DIS3L2: variants seen among roughly 807,000 people sequenced by gnomAD.
The protein encoded by DIS3L2 is DIS3 like 3'-5' exoribonuclease 2.
A neutral mutation model predicts 97.5 loss-of-function variants in DIS3L2; 34 were observed. The ratio of observed to expected loss-of-function variants is 0.35; its 90% CI spans 0.27 to 0.46. The LOEUF (loss-of-function observed/expected upper bound fraction) is 0.46. Ranked by LOEUF, DIS3L2 falls within the 20% of genes least tolerant of loss-of-function variation. The probability of loss-of-function intolerance (pLI) is 1.00; values close to 1 mark genes in which losing one functional copy is unlikely to be tolerated. For synonymous variants in DIS3L2, 435 were observed against 445.2 expected, an observed-to-expected ratio of 0.98 and a Z score of 0.29; for missense variants, 1,038 against 1,146.0, an observed-to-expected ratio of 0.91 and a Z score of 1.36.
rs1052556181 is a variant in DIS3L2 at position 232,292,417 on chromosome 2, C to T, written c.1660-7623C>T. Reference sequence around the variant, plus strand: ...CCTTGCTGTCTCCATTGTCATCCTACCCAGAAAGCTCAGACGGGCGGAAGG... The same window carrying T: ...CCTTGCTGTCTCCATTGTCATCCTATCCAGAAAGCTCAGACGGGCGGAAGG... On this transcript the variant is annotated intron_variant, in intron 13 of 20. Coordinates refer to ENST00000325385, the MANE Select transcript of DIS3L2 (RefSeq NM_152383.5). The surrounding 1 kb of genome is among the most constrained non-coding windows in gnomAD (Gnocchi z 4.4). Among the ~76,000 whole-genome samples the T allele has an allele frequency of 3.9e-5, 6 of 152,274 alleles. No homozygotes were observed. Among genetic ancestry groups the T allele is most frequent in the Admixed American group, 2.0e-4 (3 of 15,304 alleles).
chr2:232,120,968 G>A (rs1192029413), intron 6 of DIS3L2, among the ~76,000 whole-genome samples: 2 of 151,882 alleles, frequency 1.3e-5, no homozygotes, highest in Non-Finnish European at 2.9e-5. Flanking sequence ...CTTCCCATCA[G>A]CAATTAACCA....
chr2:232,018,009 A>C (rs1453790917), intron 3 of DIS3L2, among the ~76,000 whole-genome samples: 1 of 152,196 alleles, frequency 6.6e-6, no homozygotes, highest in Admixed American at 6.5e-5. Flanking sequence ...ACTGTTGCTT[A>C]ATACATTTAT....
chr2:232,024,764 T>C (rs1322414377), intron 4 of DIS3L2, among the ~76,000 whole-genome samples: 1 of 151,746 alleles, frequency 6.6e-6, no homozygotes, highest in Non-Finnish European at 1.5e-5. Flanking sequence ...TTTTTTTTGG[T>C]GGGGGTCAGA....
At chr2:232,210,525 C>A in intron 10 of DIS3L2, 120 bp downstream of exon 10, 1 of 861,140 alleles carries the variant, frequency 1.2e-6, no homozygotes. Flanking sequence ...TGCTTCGTGC[C>A]TGAACTTGCC....
At chr2:231,979,250 TATTTA>T (rs1411245744) in intron 1 of DIS3L2, among the ~76,000 whole-genome samples, 1 of 151,996 alleles carries the variant, frequency 6.6e-6, no homozygotes, top group East Asian at 1.9e-4. Flanking sequence ...TATTTATTTT[TATTTA>T]ATTTATTTTT....
At chr2:232,258,538 C>G (rs1257837143) in intron 12 of DIS3L2, among the ~76,000 whole-genome samples, 1 of 143,920 alleles carries the variant, frequency 6.9e-6, no homozygotes. Context: ...GAGCCCAGAT[C>G]GTGCCACTGC....
At chr2:232,296,022 G>A (rs753899062) in intron 13 of DIS3L2, among the ~76,000 whole-genome samples, 1 of 152,152 alleles carries the variant, frequency 6.6e-6, no homozygotes, top group Non-Finnish European at 1.5e-5. Context: ...TTACAATCTT[G>A]CTTATAAACT....
intron 1 of DIS3L2, among the ~76,000 whole-genome samples, chr2:232,000,613 T>TTTCCTTTCCTTTCC (rs1693853867): frequency 1.8e-4 from 19 of 107,348 alleles, no homozygotes; most frequent in African/African-American, 7.0e-4. Context: ...CTTTCCTTTC[T>TTTCCTTTCCTTTCC]TTTCCTTTCC....
In DIS3L2 at chr2:232,329,793, A is replaced by AT; in HGVS notation, c.1740-19dup. The AT allele has an allele frequency of 6.8e-6, 1 of 147,856 alleles. No individual in the cohort carries two copies. The highest frequency in any genetic ancestry group is 1.3e-5 in the Non-Finnish European group (1 of 79,748). 9.2% of individuals were successfully genotyped at this position (147,856 alleles called of 1,614,324 possible). A position where few individuals can be genotyped will look rare whatever the true frequency, so the allele number is the denominator to read the frequency against. On this transcript the variant is annotated intron_variant, in intron 14 of 20. Transcript: ENST00000325385. ...TCCCCAAACCCCAGCGGTCCCTCCC[A>AT]TCCCACCCACCCTCTGCAGGCTCGT...
chr2:232,007,653 G>C (rs540530069), intron 1 of DIS3L2, among the ~76,000 whole-genome samples: 1 of 152,234 alleles, frequency 6.6e-6, no homozygotes, highest in South Asian at 2.1e-4. Context: ...GAAAATACAA[G>C]AGAATATTTT....
intron 5 of DIS3L2, among the ~76,000 whole-genome samples, chr2:232,071,118 A>G (rs368386087): frequency 6.6e-6 from 1 of 152,212 alleles, no homozygotes; most frequent in African/African-American, 2.4e-5. Flanking sequence ...TTTTCTTAAA[A>G]GAGTTAAAAC....
At chr2:232,108,064 G>A (rs1240681736) in intron 6 of DIS3L2, among the ~76,000 whole-genome samples, 4 of 152,002 alleles carry the variant, frequency 2.6e-5, no homozygotes, top group African/African-American at 7.3e-5. Context: ...CCAAAACCTG[G>A]CAGAGTTAAA....
intron 14 of DIS3L2, among the ~76,000 whole-genome samples, chr2:232,304,532 G>T (rs985158912): frequency 2.6e-5 from 4 of 152,188 alleles, no homozygotes; most frequent in African/African-American, 9.7e-5. Context: ...TCCGACTTTG[G>T]AGTTACTGTG....
chr2:232,264,601 C>G (rs1046283334), intron 13 of DIS3L2, among the ~76,000 whole-genome samples: 2 of 152,286 alleles, frequency 1.3e-5, no homozygotes, highest in East Asian at 3.9e-4. Flanking sequence ...GGGAAGTTTC[C>G]ACGTGTCTGA....
At chr2:232,153,955 A>G (rs1282190035) in intron 8 of DIS3L2, among the ~76,000 whole-genome samples, 1 of 147,274 alleles carries the variant, frequency 6.8e-6, no homozygotes, top group African/African-American at 2.5e-5. Context: ...CATTCATTTC[A>G]TCTTCCATTG....
intron 5 of DIS3L2, among the ~76,000 whole-genome samples, chr2:232,034,613 A>C (rs1477347617): frequency 3.3e-5 from 5 of 152,210 alleles, no homozygotes; most frequent in Non-Finnish European, 5.9e-5. Context: ...TTAGTGCTAT[A>C]AATTTCCTTC....
chr2:232,100,827 GTGTA>G (rs748209984), intron 6 of DIS3L2, among the ~76,000 whole-genome samples: 16 of 147,156 alleles, frequency 1.1e-4, no homozygotes, highest in East Asian at 4.0e-4. Flanking sequence ...GTGTGTGTGT[GTGTA>G]TATATATCTC....
chr2:232,337,321 T>TA, downstream of DIS3L2: 1 of 389,526 alleles, frequency 2.6e-6, no homozygotes, highest in Non-Finnish European at 3.5e-6. Context: ...GGTCCTGTGA[T>TA]ACCCCCTCCC....
intron 10 of DIS3L2, among the ~76,000 whole-genome samples, chr2:232,236,741 CTTATT>C (rs1405084990): frequency 2.6e-5 from 4 of 152,058 alleles, no homozygotes; most frequent in Admixed American, 6.6e-5. Context: ...AAACTGTATA[CTTATT>C]TTATTTTATT....
Sources: gnomAD v4.1 joint callset for allele counts (sites outside exome capture counted in the v4.1 genomes callset) on GRCh38, gnomAD v4.1.1 for gene constraint, Gnocchi (gnomAD v3.1) non-coding constraint, MANE v1.5 for transcripts, NCBI Gene and HGNC (gene_info 2026-07-23, HGNC 2026-07-21) for gene names.